CFAP57: variants seen among roughly 807,000 people sequenced by gnomAD.
The protein encoded by CFAP57 is cilia- and flagella-associated protein 57.
Under a neutral mutation model 146.8 loss-of-function variants are expected in CFAP57, and 116 were observed. That is an observed-to-expected ratio of 0.79 (90% CI 0.68 to 0.92). The LOEUF (loss-of-function observed/expected upper bound fraction) is 0.92, where lower values mean the gene tolerates loss of function less well. Among genes scored for constraint, CFAP57 ranks in the 40% least tolerant of loss-of-function variants. The pLI is 0.00. For synonymous variants in CFAP57, 518 were observed against 552.8 expected (o/e 0.94, Z 0.88); for missense variants, 1,377 against 1,527.2 (o/e 0.90, Z 1.64).
intron 11 of CFAP57, chr1:43,210,224 A>AC: frequency 1.3e-6 from 2 of 1,503,366 alleles, no homozygotes; most frequent in Non-Finnish European, 1.8e-6. Context: ...GCTGCACTTG[A>AC]CCACAGCTGC....
chr1:43,172,536 G>A, intron 1 of CFAP57, 83 bp downstream of exon 1: 1 of 1,264,032 alleles, frequency 7.9e-7, no homozygotes, highest in Non-Finnish European at 1.1e-6. Context: ...GGAGCCGCGG[G>A]GGTGGGGTGG....
At chr1:43,240,067 T>C (rs997921253) in intron 21 of CFAP57, among the ~76,000 whole-genome samples, 2 of 152,242 alleles carry the variant, frequency 1.3e-5, no homozygotes, top group African/African-American at 4.8e-5. Flanking sequence ...TGGGAGGATC[T>C]AGCAGAGTTT....
chr1:43,239,904 G>T (rs913997802), intron 21 of CFAP57, among the ~76,000 whole-genome samples: 1 of 152,068 alleles, frequency 6.6e-6, no homozygotes, highest in Non-Finnish European at 1.5e-5. Flanking sequence ...ATTCGGTTTG[G>T]TATCCACTGC....
chr1:43,217,768 G>A (rs550986912), intron 12 of CFAP57, among the ~76,000 whole-genome samples: 1 of 152,072 alleles, frequency 6.6e-6, no homozygotes, highest in African/African-American at 2.4e-5. Context: ...CCTTAATCTA[G>A]TCCGTGCTGC....
intron 18 of CFAP57, among the ~76,000 whole-genome samples, chr1:43,227,704 C>T (rs1033480345): frequency 5.3e-5 from 8 of 152,096 alleles, no homozygotes; most frequent in African/African-American, 1.4e-4. Context: ...TGTGAGGTCC[C>T]CCATGCCCCC....
intron 5 of CFAP57, among the ~76,000 whole-genome samples, chr1:43,186,203 C>G (rs1273026982): frequency 6.6e-6 from 1 of 152,074 alleles, no homozygotes; most frequent in Non-Finnish European, 1.5e-5. Context: ...GATCATGCCA[C>G]TGTATTCCAG....
In CFAP57 at chr1:43,215,386, G is replaced by C; in HGVS notation, c.2061G>C (p.Val687=). 3.2e-6 allele frequency: 5 copies of C among 1,550,902 alleles called. No homozygotes were observed. The highest frequency in any genetic ancestry group is 2.7e-5 in the African/African-American group (2 of 73,166). ...REREVGFAEE[V]LVTKTDMEEK... ...GGGAGGTGGGCTTTGCCGAAGAGGT[G>C]CTTGTGACTAAAACAGACATGGAAG... is the stretch of plus-strand genomic sequence containing the variant. Residue 687 remains valine, a synonymous_variant, in exon 12 of 23, where the codon GTG becomes GTC. Coordinates refer to ENST00000372492, the MANE Select transcript of CFAP57 (RefSeq NM_001378189.1).
intron 11 of CFAP57, among the ~76,000 whole-genome samples, 153 bp from the exon 12 acceptor site, chr1:43,215,102 G>A (rs985400252): frequency 3.9e-5 from 6 of 152,176 alleles, no homozygotes. Flanking sequence ...ATGCCTGTGA[G>A]GGCTCCTCTC....
chr1:43,196,702 C>T (rs544028732), intron 6 of CFAP57, among the ~76,000 whole-genome samples: 2 of 152,310 alleles, frequency 1.3e-5, no homozygotes, highest in South Asian at 4.1e-4. Flanking sequence ...CATCTGTAAC[C>T]TACATAACCA....
At chr1:43,196,821 TC>T (rs1037118987) in intron 6 of CFAP57, among the ~76,000 whole-genome samples, 3 of 152,190 alleles carry the variant, frequency 2.0e-5, no homozygotes, top group Admixed American at 6.5e-5. Context: ...TTTATCCAGA[TC>T]CTTAAAAATC....
At chr1:43,234,847 GGCAC>G (rs1462779254) in intron 21 of CFAP57, among the ~76,000 whole-genome samples, 1 of 151,968 alleles carries the variant, frequency 6.6e-6, no homozygotes, top group Non-Finnish European at 1.5e-5. Context: ...AGGTTTTCTA[GGCAC>G]TTCCATGCTG....
intron 10 of CFAP57, among the ~76,000 whole-genome samples, chr1:43,207,342 G>C (rs1480581090): frequency 1.3e-5 from 2 of 152,180 alleles, no homozygotes; most frequent in African/African-American, 2.4e-5. Context: ...CTGTAAGATT[G>C]TAATGCCATA....
rs894255203 is a variant in CFAP57, at chr1:43,253,984, C to A, written c.3546C>A (p.Ser1182Arg). The part of the protein sequence containing the change: ...RPQEVSETEP[S>R]RDMLSTAPTA... The stretch of plus-strand genomic sequence containing the variant: ...TCCTGTTGTCTCTTACAGAACCCAG[C>A]AGGGACATGCTCAGCACAGCTCCCA... The change falls in exon 23 of 23, where the codon AGC (serine) becomes AGA (arginine). Residue 1182 changes from serine to arginine, a missense_variant. Ser to Arg is a moderately radical substitution (Grantham distance 110). Coordinates refer to ENST00000372492, the MANE Select transcript of CFAP57 (RefSeq NM_001378189.1). 5.2e-6 allele frequency: 8 copies of A among 1,550,384 alleles called. No individual in the cohort carries two copies. The Admixed American group carries it at 1.2e-4, about 23-fold the overall frequency.
intron 17 of CFAP57, among the ~76,000 whole-genome samples, chr1:43,225,771 T>C (rs1478169675): frequency 1.3e-5 from 2 of 152,236 alleles, no homozygotes; most frequent in Non-Finnish European, 2.9e-5. Flanking sequence ...GTTGTATTTA[T>C]ATTTGGAAAC....
intron 10 of CFAP57, among the ~76,000 whole-genome samples, chr1:43,209,373 G>GGGA (rs1644494641): frequency 6.6e-6 from 1 of 152,224 alleles, no homozygotes; most frequent in Non-Finnish European, 1.5e-5. Context: ...CACACAGATG[G>GGGA]TCCGTCATCC....
intron 11 of CFAP57, among the ~76,000 whole-genome samples, chr1:43,211,793 C>A (rs1341946506): frequency 9.0e-6 from 1 of 111,598 alleles, no homozygotes; most frequent in African/African-American, 2.9e-5. Flanking sequence ...AATATCCTAT[C>A]CTATGATGGA....
intron 10 of CFAP57, among the ~76,000 whole-genome samples, chr1:43,207,270 T>A (rs1405723329): frequency 6.6e-6 from 1 of 152,230 alleles, no homozygotes; most frequent in Non-Finnish European, 1.5e-5. Flanking sequence ...TGCACTTACA[T>A]TCCTGGGGTA....
At chr1:43,227,315 G>A (rs116696594) in intron 18 of CFAP57, among the ~76,000 whole-genome samples, 189 bp downstream of exon 18, 2,257 of 152,314 alleles carry the variant, frequency 0.015, 70 homozygotes, top group African/African-American at 0.051. Context: ...TCAGCTGACC[G>A]AAAGCAAATC....
intron 17 of CFAP57, 90 bp downstream of exon 17, chr1:43,224,294 C>T (rs756374658): frequency 1.7e-4 from 237 of 1,386,272 alleles, no homozygotes; most frequent in Non-Finnish European, 2.2e-4. Context: ...TCCCTAGCTT[C>T]TCAGGACGCA....
Sources: gnomAD v4.1 joint callset for allele counts (sites outside exome capture counted in the v4.1 genomes callset) on GRCh38, gnomAD v4.1.1 for gene constraint, MANE v1.5 for transcripts, NCBI Gene and HGNC (gene_info 2026-07-23, HGNC 2026-07-21) for gene names.